Variants in ZAN observed in about 807,000 individuals in gnomAD.
The protein encoded by ZAN is zonadhesin (gene/pseudogene).
A neutral mutation model predicts 286.2 loss-of-function variants in ZAN; 260 were observed. That is an observed-to-expected ratio of 0.91 (90% CI 0.82 to 1.01). ZAN has a LOEUF of 1.01. Among genes scored for constraint, ZAN ranks in the 50% least tolerant of loss-of-function variants. ZAN has a pLI of 0.00. For synonymous variants in ZAN, 1,368 were observed against 1,417.5 expected (o/e 0.97, Z 0.79); for missense variants, 3,410 against 3,639.2 (o/e 0.94, Z 1.62).
rs373582326 is a variant in ZAN, at chr7:100,762,347, C to T, written c.3975C>T (p.Asp1325=). Residue 1325 remains aspartate, a synonymous_variant, in exon 20 of 48, where the codon GAC becomes GAT. Transcript: ENST00000613979. ...ELGNSWQTDQ[D]EDQECQKYQV... is the part of the protein sequence containing the mutation. Reference sequence around the variant, plus strand: ...GGAACAGCTGGCAGACGGACCAGGACGAGGACCAGGAGTGAGCAAGGAGCC... The same window carrying T: ...GGAACAGCTGGCAGACGGACCAGGATGAGGACCAGGAGTGAGCAAGGAGCC... The T allele has an allele frequency of 2.0e-4, 326 of 1,610,902 alleles. No individual in the cohort carries two copies. Among genetic ancestry groups the T allele is most frequent in the East Asian group, 6.5e-4 (29 of 44,712 alleles).
intron 17 of ZAN, 137 bp from the exon 18 acceptor site, chr7:100,759,584 C>T (rs998440411): frequency 3.2e-5 from 36 of 1,133,612 alleles, no homozygotes; most frequent in African/African-American, 1.3e-4. Flanking sequence ...TGTGTGGATC[C>T]GGCCTCCCCT....
At chr7:100,755,993 C>T (rs950778570) in intron 15 of ZAN, among the ~76,000 whole-genome samples, 1 of 152,108 alleles carries the variant, frequency 6.6e-6, no homozygotes, top group African/African-American at 2.4e-5. Context: ...CGGGTTCAAG[C>T]AATTCTCTGC....
rs183887733 is a variant in ZAN at position 100,737,282 on chromosome 7, G to T, written c.546G>T (p.Arg182=). The T allele has an allele frequency of 1.3e-5, 20 of 1,489,896 alleles. 2 individuals carry two copies. The African/African-American group carries it at 2.4e-4, about 18-fold the overall frequency. The allele number at this position is 1,489,896 out of a possible 1,614,324, so 92.3% of individuals were successfully genotyped here. A position where few individuals can be genotyped will look rare whatever the true frequency, so the allele number is the denominator to read the frequency against. ...TGCAGCTGATGTTTGAGGGAACACG[G>T]GGTAGCACTGCCTACCTGGACATCG... ...LPTRLMFEGT[R]GSTAYLDIAL... The change falls in exon 6 of 48, where the codon CGG becomes CGT. Residue 182 remains arginine (R), a synonymous_variant. Transcript: ENST00000613979.
Position 100,764,170 on chromosome 7 carries a change from A to G in ZAN, c.4241A>G (p.Lys1414Arg). The change falls in exon 22 of 48, where the codon AAG becomes AGG. Residue 1414 changes from lysine to arginine, a missense_variant. By Grantham distance (26) the Lys-to-Arg change is conservative. This residue lies in a region of ZAN where 1,042 missense variants were observed against 1,058.0 expected (regional missense o/e 0.98). Coordinates refer to ENST00000613979, the MANE Select transcript of ZAN (RefSeq NM_003386.3). ...TGCCAGGACGCAGGCCACGCTGTGAAGCCCTGGAGGGAACCCCACTTCTGC... is the reference window on the plus strand; with the variant it reads ...TGCCAGGACGCAGGCCACGCTGTGAGGCCCTGGAGGGAACCCCACTTCTGC... ...TTCQDAGHAV[K>R]PWREPHFCPM... 6.3e-7 allele frequency: 1 copy of G among 1,587,096 alleles called. No individual in the cohort carries two copies.
intron 17 of ZAN, 98 bp from the exon 18 acceptor site, chr7:100,759,623 G>GTCCC: frequency 1.4e-6 from 2 of 1,415,362 alleles, no homozygotes; most frequent in Non-Finnish European, 1.9e-6. Flanking sequence ...TGTCTCGGTG[G>GTCCC]CGCTCATCTC....
chr7:100,771,360 C>T (rs2116102673), intron 28 of ZAN, among the ~76,000 whole-genome samples: 1 of 152,282 alleles, frequency 6.6e-6, no homozygotes, highest in South Asian at 2.1e-4. Context: ...GTGTGCACCA[C>T]CATGGCCGGC....
In ZAN at chr7:100,797,745, T is replaced by G; in HGVS notation, c.*13T>G. 1 of 1,613,946 alleles carries G rather than the reference T, an allele frequency of 6.2e-7. No homozygotes were observed. The highest frequency in any genetic ancestry group is 8.5e-7 in the Non-Finnish European group (1 of 1,179,886). On this transcript the variant is annotated 3_prime_UTR_variant, in exon 48 of 48. Transcript: ENST00000613979. Reference sequence around the variant, plus strand: ...CTGTGCCTGTTAAGTTGCTCAGTTTTGAGCTGTCTTCAGACAAGAAGATTA... The same window carrying G: ...CTGTGCCTGTTAAGTTGCTCAGTTTGGAGCTGTCTTCAGACAAGAAGATTA...
chr7:100,765,329 ACCCAAGCTTCTCCCT>A lies in ZAN; in HGVS notation c.4268-20_4268-6del, dbSNP rs1277421712. The A allele has an allele frequency of 6.2e-7, 1 of 1,611,108 alleles. No homozygotes were observed. The highest frequency in any genetic ancestry group is 2.2e-5 in the East Asian group (1 of 44,762). On this transcript the variant is annotated splice_polypyrimidine_tract_variant and splice_region_variant and intron_variant, in intron 22 of 47. Transcript: ENST00000613979. ...CCCGTGGCTTGTTCGTCTCCTTCTCACCCAAGCTTCTCCCTCCACCAGCAATGGCCTGCCCGCCCA... is the reference window on the plus strand; with the variant it reads ...CCCGTGGCTTGTTCGTCTCCTTCTCACCACCAGCAATGGCCTGCCCGCCCA...
intron 45 of ZAN, among the ~76,000 whole-genome samples, chr7:100,797,127 C>G (rs1445322495): frequency 6.6e-6 from 1 of 152,040 alleles, no homozygotes. Context: ...GCAATAGAGC[C>G]AGACTCTGTC....
chr7:100,788,125 C>A lies in ZAN; in HGVS notation c.7216C>A (p.Leu2406Met). 6.7e-7 allele frequency: 1 copy of A among 1,498,242 alleles called. No homozygotes were observed. Among genetic ancestry groups the A allele is most frequent in the South Asian group, 1.4e-5 (1 of 73,768 alleles). The allele number at this position is 1,498,242 out of a possible 1,614,324, so 92.8% of individuals were successfully genotyped here. Residue 2406 changes from leucine (L) to methionine (M), a missense_variant, in exon 38 of 48, where the codon CTG becomes ATG. Transcript: ENST00000613979. The part of the protein sequence containing the change: ...YGYKVQLQAG[L>M]ELVVNNQKMA... ...CTATAAAGTGCAGCTCCAAGCTGGTCTGGAGCTTGTGGTAAGAGCTGGGCC... is the reference window on the plus strand; with the variant it reads ...CTATAAAGTGCAGCTCCAAGCTGGTATGGAGCTTGTGGTAAGAGCTGGGCC...
At chr7:100,742,843 G>A (rs1273302905) in intron 7 of ZAN, among the ~76,000 whole-genome samples, 5 of 36,054 alleles carry the variant, frequency 1.4e-4, no homozygotes, top group Non-Finnish European at 3.2e-4. Context: ...GAGGGAGACC[G>A]TGGGGAGAGG....
chr7:100,735,789 G>C lies in ZAN; in HGVS notation c.106+17G>C. 6.8e-7 allele frequency: 1 copy of C among 1,478,380 alleles called. No individual in the cohort carries two copies. Among genetic ancestry groups the C allele is most frequent in the South Asian group, 1.2e-5 (1 of 85,020 alleles). 91.6% of individuals were successfully genotyped at this position (1,478,380 alleles called of 1,614,324 possible). A position where few individuals can be genotyped will look rare whatever the true frequency, so the allele number is the denominator to read the frequency against. On this transcript the variant is annotated intron_variant, in intron 3 of 47. Transcript: ENST00000613979. ...GGGACAACTGTGAGTTGGAAACCAG[G>C]AGTGCTAAGATTTCTCCTCCCTCCT...
chr7:100,765,657 GTTTTGTTTTT>G, intron 23 of ZAN, 103 bp downstream of exon 23: 2 of 1,407,572 alleles, frequency 1.4e-6, no homozygotes, highest in Non-Finnish European at 1.9e-6. Context: ...TTCTTGTTTT[GTTTTGTTTTT>G]GAGACGGAGT....
intron 7 of ZAN, among the ~76,000 whole-genome samples, chr7:100,739,888 C>CCT (rs1419969507): frequency 1.4e-5 from 2 of 140,320 alleles, no homozygotes; most frequent in Admixed American, 1.4e-4. Context: ...GAACTGCTGA[C>CCT]CTCAGGTGAT....
intron 27 of ZAN, 133 bp from the exon 28 acceptor site, chr7:100,769,747 A>G (rs1483840759): frequency 4.2e-6 from 3 of 713,562 alleles, no homozygotes; most frequent in African/African-American, 3.6e-5. Context: ...GGATCTCACT[A>G]TGTTGCCCAG....
chr7:100,762,423 T>A (rs866089376), intron 20 of ZAN, 65 bp downstream of exon 20: 142 of 1,044,622 alleles, frequency 1.4e-4, no homozygotes, highest in Non-Finnish European at 1.5e-4. Context: ...AACTCTCTTT[T>A]TTTTTTTTTT....
At chr7:100,742,867 AGAC>A (rs1402884609) in intron 7 of ZAN, among the ~76,000 whole-genome samples, 4 of 1,994 alleles carry the variant, frequency 2.0e-3, no homozygotes, top group Admixed American at 0.015. Flanking sequence ...ACGGAGACGG[AGAC>A]GAGGGAGAGG....
At chr7:100,755,013 C>G (rs1290256034) in intron 14 of ZAN, among the ~76,000 whole-genome samples, 3 of 152,128 alleles carry the variant, frequency 2.0e-5, no homozygotes, top group Non-Finnish European at 4.4e-5. Context: ...TGGTCTCAAA[C>G]TCTTGGCCTC....
chr7:100,759,991 A>G, intron 18 of ZAN, 146 bp downstream of exon 18: 5 of 1,329,258 alleles, frequency 3.8e-6, no homozygotes, highest in Non-Finnish European at 5.0e-6. Flanking sequence ...AAGTGGGAGG[A>G]TTGCTTGAGG....
Sources: gnomAD v4.1 joint callset for allele counts (sites outside exome capture counted in the v4.1 genomes callset) on GRCh38, gnomAD v4.1.1 for gene constraint, gnomAD v4.1.1 regional missense constraint, MANE v1.5 for transcripts, NCBI Gene and HGNC (gene_info 2026-07-23, HGNC 2026-07-21) for gene names.